CUEDC1: variants seen among roughly 807,000 people sequenced by gnomAD.
CUEDC1 encodes the protein CUE domain-containing protein 1.
A neutral mutation model predicts 43.7 loss-of-function variants in CUEDC1; 30 were observed. That is an observed-to-expected ratio of 0.69 (90% CI 0.51 to 0.93). The LOEUF (loss-of-function observed/expected upper bound fraction) is 0.93. CUEDC1 is among the 40% of genes least tolerant of loss of function. CUEDC1 has a pLI of 0.00. For missense variants in CUEDC1, 486 were observed against 549.0 expected (o/e 0.89, Z 1.15); for synonymous variants, 223 against 223.6 (o/e 1.00, Z 0.02).
intron 3 of CUEDC1, among the ~76,000 whole-genome samples, chr17:57,878,493 C>A (rs1470883939): frequency 1.3e-5 from 2 of 151,968 alleles, no homozygotes; most frequent in Non-Finnish European, 2.9e-5. Flanking sequence ...ATCATCTCCC[C>A]ACCCCCTCAC....
chr17:57,869,118 T>G lies in CUEDC1; in HGVS notation c.940+4A>C. 6.2e-7 allele frequency: 1 copy of G among 1,613,846 alleles called. No homozygotes were observed. Among genetic ancestry groups the G allele is most frequent in the Non-Finnish European group, 8.5e-7 (1 of 1,179,882 alleles). ...GAGGGAAGCGGGGCCTGAGTGGGAC[T>G]CACACTTTCCCATGTGTTTCAGCTT... is the stretch of plus-strand genomic sequence containing the variant. On this transcript the variant is annotated splice_donor_region_variant and intron_variant, in intron 7 of 10. Coordinates refer to ENST00000577830, the MANE Select transcript of CUEDC1 (RefSeq NM_001271875.2).
intron 1 of CUEDC1, among the ~76,000 whole-genome samples, chr17:57,896,903 G>A (rs1361679523): frequency 6.6e-6 from 1 of 150,606 alleles, no homozygotes; most frequent in Admixed American, 6.7e-5. Flanking sequence ...CAGAGTAGCT[G>A]AGACTACAGG....
intron 1 of CUEDC1, among the ~76,000 whole-genome samples, chr17:57,936,495 C>T (rs1482859038): frequency 2.0e-5 from 3 of 152,134 alleles, no homozygotes; most frequent in Non-Finnish European, 4.4e-5. Flanking sequence ...GAAGGAGGCA[C>T]CCAACTTCTA....
intron 2 of CUEDC1, among the ~76,000 whole-genome samples, chr17:57,880,499 G>A (rs552366471): frequency 3.3e-5 from 5 of 152,304 alleles, no homozygotes; most frequent in African/African-American, 1.2e-4. Context: ...GGAGTGCCCG[G>A]GATGCCTGCT....
At chr17:57,889,879 A>G (rs1182231692) in intron 1 of CUEDC1, among the ~76,000 whole-genome samples, 1 of 152,208 alleles carries the variant, frequency 6.6e-6, no homozygotes, top group African/African-American at 2.4e-5. Flanking sequence ...CTCAGGGCAG[A>G]GTCTGAGGCC....
chr17:57,883,798 G>A (rs2074248607), intron 2 of CUEDC1, among the ~76,000 whole-genome samples: 3 of 152,276 alleles, frequency 2.0e-5, no homozygotes, highest in Middle Eastern at 3.4e-3. Flanking sequence ...GGCACGGGTC[G>A]GGACTCAATA....
At chr17:57,884,900 T>C (rs1194334178) in intron 2 of CUEDC1, among the ~76,000 whole-genome samples, 1 of 152,178 alleles carries the variant, frequency 6.6e-6, no homozygotes, top group East Asian at 1.9e-4. Flanking sequence ...TATGTTGGGG[T>C]GGGGCCCAGG....
At chr17:57,912,802 A>T (rs11655699) in intron 1 of CUEDC1, among the ~76,000 whole-genome samples, 57,155 of 151,970 alleles carry the variant, frequency 0.38, 11,389 homozygotes, top group African/African-American at 0.47. Context: ...CTGATTCTCA[A>T]CTAGAGGGGT....
Position 57,864,028 on chromosome 17 carries a change from A to G in CUEDC1, c.*4-743T>C, listed in dbSNP as rs887807176. 4.6e-5 allele frequency among the ~76,000 whole-genome samples: 7 copies of G among 151,440 alleles called. No homozygotes were observed. In the East Asian group the frequency reaches 1.4e-3, roughly 29 times the overall value. Reference sequence around the variant, plus strand: ...AAAAAAAAAAAAAAAGAAAGAAAAGAAAAAGAAAAAAAAAGATTCATTCAA... The same window carrying G: ...AAAAAAAAAAAAAAAGAAAGAAAAGGAAAAGAAAAAAAAAGATTCATTCAA... On this transcript the variant is annotated intron_variant, in intron 10 of 10. Coordinates refer to ENST00000577830, the MANE Select transcript of CUEDC1 (RefSeq NM_001271875.2).
chr17:57,880,536 C>G (rs2074189533), intron 2 of CUEDC1, among the ~76,000 whole-genome samples: 1 of 152,140 alleles, frequency 6.6e-6, no homozygotes, highest in Non-Finnish European at 1.5e-5. Context: ...TGTCTTTATC[C>G]AGGAGCCAAG....
At chr17:57,888,958 G>A (rs531828254) in intron 1 of CUEDC1, among the ~76,000 whole-genome samples, 13 of 152,342 alleles carry the variant, frequency 8.5e-5, no homozygotes, top group African/African-American at 2.6e-4. Flanking sequence ...TGGCAAGACC[G>A]ACATTTTCCC....
At chr17:57,905,290 A>ACACACACACACACACC (rs1007711626) in intron 1 of CUEDC1, among the ~76,000 whole-genome samples, 1 of 145,580 alleles carries the variant, frequency 6.9e-6, no homozygotes, top group Non-Finnish European at 1.5e-5. Context: ...ACACACACAC[A>ACACACACACACACACC]CTCCAGCCTG....
intron 1 of CUEDC1, among the ~76,000 whole-genome samples, chr17:57,891,391 C>T (rs1421317325): frequency 1.3e-5 from 2 of 152,216 alleles, no homozygotes; most frequent in Admixed American, 6.5e-5. Flanking sequence ...CTGTCTTCCC[C>T]GTCTTCCAAA....
intron 3 of CUEDC1, among the ~76,000 whole-genome samples, chr17:57,874,728 C>T (rs942818584): frequency 6.6e-6 from 1 of 152,170 alleles, no homozygotes; most frequent in Non-Finnish European, 1.5e-5. Context: ...CTCTAGCTCT[C>T]GGGCCTGGCT....
rs116318032 is a variant in CUEDC1, at chr17:57,883,580, G to A, written c.336+1649C>T. ...CTCTACTAAAACTACAAAATTAGCC[G>A]GTCATGATGGCACATGCATGTAGTC... On this transcript the variant is annotated intron_variant, in intron 2 of 10. Coordinates refer to ENST00000577830, the MANE Select transcript of CUEDC1 (RefSeq NM_001271875.2). 7.3e-3 allele frequency among the ~76,000 whole-genome samples: 1,112 copies of A among 152,114 alleles called. 13 individuals are homozygous for A. The highest frequency in any genetic ancestry group is 0.025 in the African/African-American group (1,054 of 41,486).
chr17:57,870,186 T>G (rs2074014687), intron 6 of CUEDC1, among the ~76,000 whole-genome samples: 1 of 152,196 alleles, frequency 6.6e-6, no homozygotes, highest in Non-Finnish European at 1.5e-5. Flanking sequence ...TGTGTACATG[T>G]GGGGCAGGGG....
At chr17:57,901,330 G>C (rs2074469572) in intron 1 of CUEDC1, among the ~76,000 whole-genome samples, 1 of 152,186 alleles carries the variant, frequency 6.6e-6, no homozygotes, top group East Asian at 1.9e-4. Flanking sequence ...AGACTGCTTG[G>C]TCCCTGTAGC....
At chr17:57,932,281 C>CAAAAAACAAAAAAAAAAAA (rs2074812687) in intron 1 of CUEDC1, among the ~76,000 whole-genome samples, 1 of 121,946 alleles carries the variant, frequency 8.2e-6, no homozygotes, top group Non-Finnish European at 1.6e-5. Context: ...CACTGTGTCT[C>CAAAAAACAAAAAAAAAAAA]AAAAAAAAAA....
chr17:57,885,334 C>T lies in CUEDC1; in HGVS notation c.231G>A (p.Val77=), dbSNP rs768499034. 6.2e-7 allele frequency: 1 copy of T among 1,612,012 alleles called. No homozygotes were observed. Among genetic ancestry groups the T allele is most frequent in the South Asian group, 1.1e-5 (1 of 90,662 alleles). ...GCAGCAGCTGGTCGATGGTGGCGTC[C>T]ACAGCGCCGCTGTTGGCGCGCAGCA... ...ECVLRANSGA[V]DATIDQLLQM... Residue 77 remains valine, a synonymous_variant, in exon 2 of 11, where the codon GTG becomes GTA. Coordinates refer to ENST00000577830, the MANE Select transcript of CUEDC1 (RefSeq NM_001271875.2).
Sources: allele counts gnomAD v4.1 joint callset (sites outside exome capture counted in the v4.1 genomes callset), GRCh38; gene constraint gnomAD v4.1.1; transcripts MANE v1.5; gene names NCBI Gene and HGNC (gene_info 2026-07-23, HGNC 2026-07-21).